KDM2B: variants seen among roughly 807,000 people sequenced by gnomAD.
KDM2B encodes the protein lysine demethylase 2B, also known as lysine-specific demethylase 2B.
KDM2B carries 26 observed loss-of-function variants against 150.0 expected under a neutral mutation model. The ratio of observed to expected loss-of-function variants is 0.17; its 90% confidence interval spans 0.13 to 0.24. The LOEUF (loss-of-function observed/expected upper bound fraction) is 0.24, where lower values mean the gene tolerates loss of function less well. Among genes scored for constraint, KDM2B ranks in the 10% least tolerant of loss-of-function variants. KDM2B has a pLI of 1.00. For synonymous variants in KDM2B, 734 were observed against 729.5 expected, an observed-to-expected ratio of 1.01 and a Z score of -0.10; for missense variants, 1,265 against 1,816.9, an observed-to-expected ratio of 0.70 and a Z score of 5.52.
chr12:121,507,116 A>C (rs1885157621), intron 11 of KDM2B, among the ~76,000 whole-genome samples: 2 of 151,316 alleles, frequency 1.3e-5, no homozygotes, highest in Admixed American at 6.6e-5. Context: ...AAAAAAAAAA[A>C]AGACAGCTAA....
chr12:121,541,685 A>G (rs1888627329), intron 6 of KDM2B, among the ~76,000 whole-genome samples: 1 of 152,098 alleles, frequency 6.6e-6, no homozygotes, highest in Non-Finnish European at 1.5e-5. Context: ...CAGGGAAGAG[A>G]ACCCACTCAA....
intron 12 of KDM2B, among the ~76,000 whole-genome samples, chr12:121,463,996 A>C (rs1223721738): frequency 6.6e-6 from 1 of 152,176 alleles, no homozygotes; most frequent in Non-Finnish European, 1.5e-5. Context: ...AAGCCAAGAC[A>C]GGAGGATCAT....
Position 121,575,686 on chromosome 12 carries a change from G to T in KDM2B, c.350+95C>A. On this transcript the variant is annotated intron_variant, in intron 3 of 22. Transcript: ENST00000377071. This position sits in a 1 kb window ranked among gnomAD's most constrained non-coding sequence, Gnocchi z 4.4. ...GTGAAAAAAGATCCTTCTCAGTGATGAGAGGTGGGAAGAGGGTGGAAGAAA... is the reference window on the plus strand; with the variant it reads ...GTGAAAAAAGATCCTTCTCAGTGATTAGAGGTGGGAAGAGGGTGGAAGAAA... The T allele has an allele frequency of 1.1e-6, 1 of 884,690 alleles. No homozygotes were observed. The highest frequency in any genetic ancestry group is 1.4e-5 in the South Asian group (1 of 74,016). 54.8% of individuals were successfully genotyped at this position (884,690 alleles called of 1,614,324 possible).
At chr12:121,554,480 G>T (rs895131458) in intron 4 of KDM2B, among the ~76,000 whole-genome samples, 1 of 151,448 alleles carries the variant, frequency 6.6e-6, no homozygotes, top group Non-Finnish European at 1.5e-5. Context: ...GCGCGATCTC[G>T]GCTCACTGCA....
chr12:121,428,636 C>T (rs1872633796), downstream of KDM2B, among the ~76,000 whole-genome samples: 1 of 152,190 alleles, frequency 6.6e-6, no homozygotes, highest in African/African-American at 2.4e-5. Flanking sequence ...TTCAGATTCA[C>T]TAGAGCAGTT....
intron 11 of KDM2B, among the ~76,000 whole-genome samples, chr12:121,503,916 T>C (rs1010014315): frequency 8.5e-5 from 13 of 152,214 alleles, no homozygotes; most frequent in Non-Finnish European, 1.8e-4. Flanking sequence ...TCATTTTCCA[T>C]ACAGGTGAAC....
chr12:121,470,109 AAAG>A lies in KDM2B; in HGVS notation c.1735-16768_1735-16766del, dbSNP rs1566306533. The A allele has an allele frequency of 4.7e-5, 7 of 150,082 alleles. No homozygotes were observed. In the East Asian group the frequency reaches 1.4e-3, roughly 29 times the overall value. 9.3% of individuals were successfully genotyped at this position (150,082 alleles called of 1,614,324 possible). On this transcript the variant is annotated intron_variant, in intron 12 of 22. Coordinates refer to ENST00000377071, the MANE Select transcript of KDM2B (RefSeq NM_032590.5). Reference sequence around the variant, plus strand: ...GATATTCTGTCTCAAAAAAAAAAAAAAAGGAGAGAGAGAGAGATGTCTGTAAGC... The same window carrying A: ...GATATTCTGTCTCAAAAAAAAAAAAAGAGAGAGAGAGAGATGTCTGTAAGC...
intron 4 of KDM2B, among the ~76,000 whole-genome samples, chr12:121,570,161 T>C (rs1238774738): frequency 6.6e-6 from 1 of 152,138 alleles, no homozygotes; most frequent in East Asian, 1.9e-4. Flanking sequence ...GCAATTCTCC[T>C]GCCTCAGCCC....
rs1888910593 is a variant in KDM2B, at chr12:121,544,991, C to T, written c.683+3886G>A. 1.3e-5 allele frequency among the ~76,000 whole-genome samples: 2 copies of T among 150,552 alleles called. 1 individual carries two copies. Among genetic ancestry groups the T allele is most frequent in the South Asian group, 4.3e-4 (2 of 4,608 alleles). ...CCTGGAGCCGGGTGGGGGAAGCAGT[C>T]GTGTGTCTGTGTCACTTCTCTCTTC... On this transcript the variant is annotated intron_variant, in intron 6 of 22. Coordinates refer to ENST00000377071, the MANE Select transcript of KDM2B (RefSeq NM_032590.5).
chr12:121,566,434 C>T (rs1890710288), intron 4 of KDM2B, among the ~76,000 whole-genome samples: 2 of 151,886 alleles, frequency 1.3e-5, no homozygotes, highest in Non-Finnish European at 2.9e-5. Context: ...CCATCCTGGC[C>T]AATATGGTAA....
At chr12:121,561,543 G>A (rs1890339788) in intron 4 of KDM2B, among the ~76,000 whole-genome samples, 1 of 152,056 alleles carries the variant, frequency 6.6e-6, no homozygotes. Context: ...CCCTCTCCCT[G>A]CATTTCTATC....
At chr12:121,411,645 A>G in the KDM2B span, among the ~76,000 whole-genome samples, 1 of 152,136 alleles carries the variant, frequency 6.6e-6, no homozygotes, top group Non-Finnish European at 1.5e-5. Context: ...TAGCATGTAA[A>G]ATTTTATAAT....
chr12:121,444,902 A>G, intron 14 of KDM2B: 1 of 425,490 alleles, frequency 2.4e-6, no homozygotes, highest in Non-Finnish European at 4.4e-6. Flanking sequence ...AGAGGACTCT[A>G]CTGGGTGCTG....
chr12:121,549,401 G>A lies in KDM2B; in HGVS notation c.576+59C>T. The A allele has an allele frequency of 6.8e-7, 1 of 1,467,602 alleles. No homozygotes were observed. The highest frequency in any genetic ancestry group is 9.2e-7 in the Non-Finnish European group (1 of 1,081,878). 90.9% of individuals were successfully genotyped at this position (1,467,602 alleles called of 1,614,324 possible). On this transcript the variant is annotated intron_variant, in intron 5 of 22. Coordinates refer to ENST00000377071, the MANE Select transcript of KDM2B (RefSeq NM_032590.5). This position sits in a 1 kb window ranked among gnomAD's most constrained non-coding sequence, Gnocchi z 4.4. ...CAAGGCACAACCCAGGTGGCAGGGG[G>A]ACAGGGAAGGAGATGAGGTGGAAGG...
intron 17 of KDM2B, chr12:121,443,390 T>A: frequency 1.7e-6 from 1 of 578,046 alleles, no homozygotes; most frequent in Non-Finnish European, 3.1e-6. Flanking sequence ...TGGGAGAGAC[T>A]CCTGGCGCCA....
chr12:121,448,355 A>G (rs1353695178), intron 13 of KDM2B, among the ~76,000 whole-genome samples: 7 of 143,724 alleles, frequency 4.9e-5, no homozygotes, highest in African/African-American at 1.8e-4. Flanking sequence ...ATCAGTTTTA[A>G]TTTTTTTTTT....
In KDM2B at chr12:121,508,814, G is replaced by A. The variant is rs141028353; in HGVS notation, c.1647+753C>T. Reference sequence around the variant, plus strand: ...AACTGCACGCAGCTACATAGTGCCCGCATCAGCTGGCCGTGTCAAGGACTG... The same window carrying A: ...AACTGCACGCAGCTACATAGTGCCCACATCAGCTGGCCGTGTCAAGGACTG... On this transcript the variant is annotated intron_variant, in intron 11 of 22. Transcript: ENST00000377071. Among the ~76,000 whole-genome samples the A allele has an allele frequency of 6.5e-3, 986 of 152,308 alleles. 6 individuals are homozygous for A. Among genetic ancestry groups the A allele is most frequent in the African/African-American group, 0.023 (949 of 41,566 alleles).
At chr12:121,519,350 A>G (rs1216333167) in intron 9 of KDM2B, among the ~76,000 whole-genome samples, 1 of 152,248 alleles carries the variant, frequency 6.6e-6, no homozygotes, top group Non-Finnish European at 1.5e-5. Context: ...CCTTAGATCT[A>G]TGCAGAGCAA....
At chr12:121,579,402 A>T (rs1317374515) in intron 1 of KDM2B, among the ~76,000 whole-genome samples, 1 of 152,126 alleles carries the variant, frequency 6.6e-6, no homozygotes, top group Non-Finnish European at 1.5e-5. Flanking sequence ...GGAAGCCGGA[A>T]CCGGGGGCCG....
Sources: allele counts gnomAD v4.1 joint callset (sites outside exome capture counted in the v4.1 genomes callset), GRCh38; gene constraint gnomAD v4.1.1; non-coding constraint Gnocchi (gnomAD v3.1); transcripts MANE v1.5; gene names NCBI Gene and HGNC (gene_info 2026-07-23, HGNC 2026-07-21).